Variants in RGPD3 observed in about 807,000 individuals in gnomAD.
RGPD3 encodes ranBP2-like and GRIP domain-containing protein 3.
Under a neutral mutation model 154.5 loss-of-function variants are expected in RGPD3, and 62 were observed. The ratio of observed to expected loss-of-function variants is 0.40; its 90% CI spans 0.33 to 0.50. The LOEUF is 0.50. RGPD3 is among the 20% of genes least tolerant of loss of function. The pLI is 0.59. For missense variants in RGPD3, 919 were observed against 1,716.8 expected (o/e 0.54, Z 8.21); for synonymous variants, 308 against 607.0 (o/e 0.51, Z 7.24).
chr2:106,438,078 C>G (rs2104481076), intron 9 of RGPD3, among the ~76,000 whole-genome samples: 1 of 152,190 alleles, frequency 6.6e-6, no homozygotes, highest in African/African-American at 2.4e-5. Flanking sequence ...CAGGCACATG[C>G]CACCACCCCC....
chr2:106,421,443 T>C (rs1318972309), intron 20 of RGPD3, among the ~76,000 whole-genome samples: 1 of 151,934 alleles, frequency 6.6e-6, no homozygotes, highest in Non-Finnish European at 1.5e-5. Context: ...AAAACTGGTA[T>C]AATTAAAAAA....
Position 106,421,569 on chromosome 2 carries a change from C to G in RGPD3, c.4924+1474G>C, listed in dbSNP as rs553113404. 6.0e-5 allele frequency among the ~76,000 whole-genome samples: 9 copies of G among 150,886 alleles called. No homozygotes were observed. In the East Asian group the frequency reaches 1.4e-3, roughly 23 times the overall value. On this transcript the variant is annotated intron_variant, in intron 20 of 22. Coordinates refer to ENST00000409886, the MANE Select transcript of RGPD3 (RefSeq NM_001144013.2). ...CTGTTCTTGAAGGCCTTCAACAGATCCCACTTCTTGTTCCACTCTAGTAGC... is the reference window on the plus strand; with the variant it reads ...CTGTTCTTGAAGGCCTTCAACAGATGCCACTTCTTGTTCCACTCTAGTAGC...
At chr2:106,440,052 T>C (rs2104484015) in intron 8 of RGPD3, among the ~76,000 whole-genome samples, 1 of 78,688 alleles carries the variant, frequency 1.3e-5, no homozygotes, top group East Asian at 3.3e-4. Flanking sequence ...TACTATATGA[T>C]TCCATTTATG....
chr2:106,426,745 G>C (rs376902435), intron 18 of RGPD3, among the ~76,000 whole-genome samples: 3 of 152,204 alleles, frequency 2.0e-5, no homozygotes, highest in South Asian at 2.1e-4. Flanking sequence ...TCATTTGCTT[G>C]AACTGTTTTA....
At chr2:106,468,752 G>A (rs62152557), upstream of RGPD3, among the ~76,000 whole-genome samples, 15,020 of 137,232 alleles carry the variant, frequency 0.11, 800 homozygotes, top group South Asian at 0.2. Flanking sequence ...GTTGCAGTAC[G>A]GTGAGATTGC....
Position 106,462,476 on chromosome 2 carries a change from T to C in RGPD3, c.73-3144A>G, listed in dbSNP as rs542075586. Among the ~76,000 whole-genome samples, 187 of 151,322 alleles carry C rather than the reference T, an allele frequency of 1.2e-3. 1 individual carries two copies. The highest frequency in any genetic ancestry group is 4.4e-3 in the African/African-American group (180 of 41,160). On this transcript the variant is annotated intron_variant, in intron 1 of 22. Transcript: ENST00000409886. ...ATATCTGATTCAAGCAGTACTTCTT[T>C]GCATGACAGCAGATGTCACTATAAG...
chr2:106,415,724 T>G (rs1676808882), intron 21 of RGPD3, 126 bp downstream of exon 21: 1 of 768,528 alleles, frequency 1.3e-6, no homozygotes, highest in Admixed American at 2.7e-5. Flanking sequence ...ATCAGGAATC[T>G]AATATAAAGA....
At position 106,415,697 on chromosome 2, in the gene RGPD3, A is replaced by AAAAAAAAAAAAAAT. The variant is rs1491421236; in HGVS notation, c.5064+152_5064+153insATTTTTTTTTTTTT. Among the ~76,000 whole-genome samples, 326 of 134,402 alleles carry AAAAAAAAAAAAAAT rather than the reference A, an allele frequency of 2.4e-3. 6 individuals are homozygous for AAAAAAAAAAAAAAT. The highest frequency in any genetic ancestry group is 9.4e-3 in the African/African-American group (305 of 32,600). 88.2% of individuals were successfully genotyped at this position (134,402 alleles called of 152,430 possible). A position where few individuals can be genotyped will look rare whatever the true frequency, so the allele number is the denominator to read the frequency against. On this transcript the variant is annotated intron_variant, in intron 21 of 22. Transcript: ENST00000409886. ...CTCAAAAAAAAAAAAAAAAAAAAAA[A>AAAAAAAAAAAAAAT]GGCAATATTTCTCACCATCAGGAAT...
intron 9 of RGPD3, among the ~76,000 whole-genome samples, chr2:106,437,534 A>G (rs1677599190): frequency 6.6e-6 from 1 of 152,162 alleles, no homozygotes; most frequent in South Asian, 2.1e-4. Flanking sequence ...AGAAAAGAAA[A>G]GAAAAGGTTA....
At chr2:106,437,603 C>G (rs1239581554) in intron 9 of RGPD3, among the ~76,000 whole-genome samples, 1 of 152,208 alleles carries the variant, frequency 6.6e-6, no homozygotes, top group Non-Finnish European at 1.5e-5. Context: ...ATTTGCAAGA[C>G]TTAAAGATGT....
chr2:106,409,881 T>G (rs56276232), intron 22 of RGPD3, among the ~76,000 whole-genome samples: 2 of 147,720 alleles, frequency 1.4e-5, no homozygotes, highest in African/African-American at 4.9e-5. Context: ...CTTTTTTTTT[T>G]TTTTTTTTTT....
intron 22 of RGPD3, among the ~76,000 whole-genome samples, chr2:106,410,598 T>C (rs1201263838): frequency 6.6e-6 from 1 of 152,196 alleles, no homozygotes; most frequent in Non-Finnish European, 1.5e-5. Flanking sequence ...TGAAAACTAT[T>C]GAAAACTTTA....
intron 1 of RGPD3, among the ~76,000 whole-genome samples, 189 bp downstream of exon 1, chr2:106,468,028 G>C (rs1250614843): frequency 6.9e-6 from 1 of 143,968 alleles, no homozygotes; most frequent in Admixed American, 6.8e-5. Flanking sequence ...AGCGCCGGTC[G>C]GGAGCCATGA....
chr2:106,415,954 C>A lies in RGPD3; in HGVS notation c.4960G>T (p.Glu1654Ter). 1.2e-6 allele frequency: 2 copies of A among 1,611,648 alleles called. No individual in the cohort carries two copies. Residue 1654 changes from glutamate (E) to a stop codon, truncating the protein, a stop_gained, in exon 21 of 23, where the codon GAA (glutamate) becomes TAA (stop). Transcript: ENST00000409886. LOFTEE classifies it high-confidence loss of function. ...GTGGAACTGAGCTTCTGAACCAATTCTTCTTTAGTAAATTCAGCATACCAT... is the reference window on the plus strand; with the variant it reads ...GTGGAACTGAGCTTCTGAACCAATTATTCTTTAGTAAATTCAGCATACCAT... Reference protein sequence around the residue: ...PLWYAEFTKEELVQKLSSTTK... With the variant: ...PLWYAEFTKE
chr2:106,432,181 G>A lies in RGPD3; in HGVS notation c.2469+754C>T, dbSNP rs1443581043. ...AAAAATATAGTAAAGGGCTGGGTGC[G>A]GTGGTTTACACCTGTAATCCCAGCA... is the stretch of plus-strand genomic sequence containing the variant. On this transcript the variant is annotated intron_variant, in intron 17 of 22. Transcript: ENST00000409886. Among the ~76,000 whole-genome samples the A allele has an allele frequency of 1.1e-4, 16 of 148,824 alleles. 2 individuals are homozygous for A. The East Asian group carries it at 1.2e-3, about 11-fold the overall frequency.
intron 9 of RGPD3, among the ~76,000 whole-genome samples, chr2:106,437,719 G>A (rs1295901423): frequency 5.3e-5 from 8 of 151,934 alleles, no homozygotes; most frequent in Admixed American, 5.2e-4. Flanking sequence ...ATTATTAACA[G>A]TGGAAAAGTT....
intron 6 of RGPD3, among the ~76,000 whole-genome samples, chr2:106,448,838 G>A (rs568582046): frequency 2.0e-5 from 3 of 151,324 alleles, no homozygotes; most frequent in Non-Finnish European, 3.0e-5. Context: ...CTATAGGCGC[G>A]TACCAACATG....
At chr2:106,414,773 T>C (rs1676773400) in intron 21 of RGPD3, among the ~76,000 whole-genome samples, 1 of 150,690 alleles carries the variant, frequency 6.6e-6, no homozygotes, top group Non-Finnish European at 1.5e-5. Flanking sequence ...TGTCATGATA[T>C]ATACAATTTA....
At chr2:106,440,514 A>G (rs1003730910) in intron 8 of RGPD3, among the ~76,000 whole-genome samples, 71 of 149,840 alleles carry the variant, frequency 4.7e-4, no homozygotes, top group African/African-American at 1.6e-3. Context: ...AAAAGGAAAA[A>G]AGTAGAAAGT....
Sources: gnomAD v4.1 joint callset for allele counts (sites outside exome capture counted in the v4.1 genomes callset) on GRCh38, gnomAD v4.1.1 for gene constraint, MANE v1.5 for transcripts, NCBI Gene and HGNC (gene_info 2026-07-23, HGNC 2026-07-21) for gene names.